Variants in FBN1 observed in about 807,000 individuals in gnomAD.
FBN1 encodes the protein fibrillin 1, also known as fibrillin-1.
Under a neutral mutation model 365.1 loss-of-function variants are expected in FBN1, and 29 were observed. The ratio of observed to expected loss-of-function variants is 0.08; its 90% CI spans 0.06 to 0.11. FBN1 has a LOEUF of 0.11. FBN1 is among the 10% of genes least tolerant of loss of function. FBN1 has a pLI of 1.00. For synonymous variants in FBN1, 1,210 were observed against 1,270.5 expected (o/e 0.95, Z 1.01); for missense variants, 2,476 against 3,703.2 (o/e 0.67, Z 8.60).
At chr15:48,509,459 A>G (rs964763981) in intron 14 of FBN1, among the ~76,000 whole-genome samples, 7 of 147,794 alleles carry the variant, frequency 4.7e-5, no homozygotes. Context: ...AGACATATAT[A>G]ATGTATTTTA....
In FBN1 at chr15:48,570,169, A is replaced by G. The variant is rs16961162; in HGVS notation, c.538+26114T>C. Among the ~76,000 whole-genome samples the G allele has an allele frequency of 0.017, 2,513 of 152,254 alleles. 202 individuals carry two copies. The East Asian group carries it at 0.24, about 14-fold the overall frequency. On this transcript the variant is annotated intron_variant, in intron 6 of 65. Coordinates refer to ENST00000316623, the MANE Select transcript of FBN1 (RefSeq NM_000138.5). ...CACTCACTGGATAAGTAAGCTTTATATATCTAACCACCTGGGGCAGATACT... is the reference window on the plus strand; with the variant it reads ...CACTCACTGGATAAGTAAGCTTTATGTATCTAACCACCTGGGGCAGATACT...
rs145105768 is a variant in FBN1 at position 48,412,724 on chromosome 15, C to T, written c.8071G>A (p.Gly2691Ser). The T allele has an allele frequency of 8.9e-5, 143 of 1,614,108 alleles. No homozygotes were observed. Among genetic ancestry groups the T allele is most frequent in the Non-Finnish European group, 1.1e-4 (134 of 1,180,038 alleles). The change falls in exon 65 of 66, where the codon GGC becomes AGC. Residue 2691 changes from glycine (G) to serine (S), a missense_variant. By Grantham distance (56) the Gly-to-Ser change is moderately conservative. Transcript: ENST00000316623. ...IGQGHCVSGM[G>S]MGRGNPEPPV... The stretch of plus-strand genomic sequence containing the variant: ...GGCTCTGGGTTTCCTCGGCCCATGC[C>T]CATTCCAGAAACACAGTGCCTGCAG...
At chr15:48,414,686 G>A (rs1468316094) in intron 64 of FBN1, among the ~76,000 whole-genome samples, 5 of 152,048 alleles carry the variant, frequency 3.3e-5, no homozygotes, top group Non-Finnish European at 2.9e-5. Context: ...CACGAGGTCC[G>A]GAGATCGAGA....
intron 17 of FBN1, 46 bp from the exon 18 acceptor site, chr15:48,499,084 C>G (rs773376964): frequency 6.3e-7 from 1 of 1,583,286 alleles, no homozygotes; most frequent in African/African-American, 1.3e-5. Flanking sequence ...GTTTGCAGAA[C>G]AGGTAGATCC....
rs12907167 is a variant in FBN1 at position 48,471,071 on chromosome 15, C to T, written c.4337-315G>A. On this transcript the variant is annotated intron_variant, in intron 35 of 65. Transcript: ENST00000316623. Reference sequence around the variant, plus strand: ...AGTAAGAGGCAAGCAAGCCACCTTACGCTAAATTCGTTTTTTTTTTTTAAT... The same window carrying T: ...AGTAAGAGGCAAGCAAGCCACCTTATGCTAAATTCGTTTTTTTTTTTTAAT... Among the ~76,000 whole-genome samples, 14,283 of 151,802 alleles carry T rather than the reference C, an allele frequency of 0.094. 854 individuals are homozygous for T. Among genetic ancestry groups the T allele is most frequent in the Non-Finnish European group, 0.13 (8,634 of 67,924 alleles).
intron 2 of FBN1, among the ~76,000 whole-genome samples, chr15:48,634,779 A>G (rs934758730): frequency 6.6e-6 from 1 of 151,026 alleles, no homozygotes; most frequent in Non-Finnish European, 1.5e-5. Flanking sequence ...AAAAAGAAGA[A>G]AAGGAAAAGA....
chr15:48,621,562 T>G (rs1381515193), intron 2 of FBN1, among the ~76,000 whole-genome samples: 1 of 152,112 alleles, frequency 6.6e-6, no homozygotes, highest in Non-Finnish European at 1.5e-5. Context: ...GACAGCTAAG[T>G]CAAGTCTAAG....
At chr15:48,444,396 G>C in intron 49 of FBN1, 145 bp downstream of exon 49, 1 of 925,866 alleles carries the variant, frequency 1.1e-6, no homozygotes, top group Non-Finnish European at 1.8e-6. Flanking sequence ...CTTGCCAGAA[G>C]GATGAGACCA....
intron 54 of FBN1, 42 bp from the exon 55 acceptor site, chr15:48,433,030 C>G: frequency 6.2e-7 from 1 of 1,610,142 alleles, no homozygotes; most frequent in Non-Finnish European, 8.5e-7. Flanking sequence ...TCATGGACAG[C>G]AACAAAAGGG....
intron 4 of FBN1, among the ~76,000 whole-genome samples, chr15:48,601,224 C>T (rs1461061741): frequency 1.3e-5 from 2 of 152,200 alleles, no homozygotes; most frequent in African/African-American, 4.8e-5. Flanking sequence ...CAGCCACGGG[C>T]TCATAGTGAG....
At chr15:48,545,779 T>C (rs2044089105) in intron 6 of FBN1, among the ~76,000 whole-genome samples, 2 of 152,270 alleles carry the variant, frequency 1.3e-5, no homozygotes, top group African/African-American at 2.4e-5. Flanking sequence ...CCCAGCACTT[T>C]GGGAGGACGA....
At chr15:48,619,245 C>CA (rs1418538195) in intron 2 of FBN1, among the ~76,000 whole-genome samples, 1 of 152,122 alleles carries the variant, frequency 6.6e-6, no homozygotes, top group Non-Finnish European at 1.5e-5. Context: ...TTTGAGGATG[C>CA]AAGCCAGCCA....
intron 52 of FBN1, 105 bp downstream of exon 52, chr15:48,437,217 G>A: frequency 8.1e-7 from 1 of 1,227,572 alleles, no homozygotes; most frequent in Admixed American, 1.8e-5. Context: ...GGACAAAAAA[G>A]TAGCACTTAA....
intron 2 of FBN1, among the ~76,000 whole-genome samples, chr15:48,630,586 A>G (rs1889965044): frequency 6.6e-6 from 1 of 152,210 alleles, no homozygotes; most frequent in Non-Finnish European, 1.5e-5. Context: ...AAAGGTTTTC[A>G]AAACTTTAAA....
Position 48,446,749 on chromosome 15 carries a change from G to A in FBN1, c.5745C>T (p.Arg1915=). Residue 1915 remains arginine (R), a synonymous_variant, in exon 47 of 66, where the codon CGC becomes CGT. Coordinates refer to ENST00000316623, the MANE Select transcript of FBN1 (RefSeq NM_000138.5). ...CRNTIGSFNC[R]CNHGFILSHN... ...GAGAAAGGATGAAACCATGATTGCA[G>A]CGGCAGTTGAAGGAACCAATTGTGT... The A allele has an allele frequency of 6.2e-7, 1 of 1,613,386 alleles. No homozygotes were observed. The highest frequency in any genetic ancestry group is 2.2e-5 in the East Asian group (1 of 44,870).
intron 6 of FBN1, among the ~76,000 whole-genome samples, chr15:48,587,069 TCCATGG>T (rs2044442066): frequency 6.6e-6 from 1 of 152,172 alleles, no homozygotes; most frequent in African/African-American, 2.4e-5. Context: ...TGATATTATA[TCCATGG>T]CAACTTAATT....
chr15:48,522,298 TATA>T (rs1295123581), intron 9 of FBN1, among the ~76,000 whole-genome samples: 7 of 152,078 alleles, frequency 4.6e-5, no homozygotes, highest in Non-Finnish European at 8.8e-5. Context: ...CTTTATTGTG[TATA>T]ATAAATTAAT....
At position 48,529,810 on chromosome 15, in the gene FBN1, T is replaced by G. The variant is rs112817470; in HGVS notation, c.863-3555A>C. Reference sequence around the variant, plus strand: ...GTTGACAAAAACGTCAGCCATACTATTTTATAGTCACATCACGTACGCCAG... The same window carrying G: ...GTTGACAAAAACGTCAGCCATACTAGTTTATAGTCACATCACGTACGCCAG... On this transcript the variant is annotated intron_variant, in intron 8 of 65. Coordinates refer to ENST00000316623, the MANE Select transcript of FBN1 (RefSeq NM_000138.5). The G allele has an allele frequency of 2.3e-3, 361 of 154,196 alleles. 4 individuals are homozygous for G. Among genetic ancestry groups the G allele is most frequent in the Admixed American group, 4.8e-3 (74 of 15,332 alleles). 9.6% of individuals were successfully genotyped at this position (154,196 alleles called of 1,614,324 possible).
intron 7 of FBN1, 69 bp from the exon 8 acceptor site, chr15:48,534,274 G>A: frequency 6.6e-7 from 1 of 1,504,336 alleles, no homozygotes; most frequent in Non-Finnish European, 9.1e-7. Flanking sequence ...AATAAAATGT[G>A]ATAATTTGTC....
Sources: gnomAD v4.1 joint callset for allele counts (sites outside exome capture counted in the v4.1 genomes callset) on GRCh38, gnomAD v4.1.1 for gene constraint, MANE v1.5 for transcripts, NCBI Gene and HGNC (gene_info 2026-07-23, HGNC 2026-07-21) for gene names.